Variants in USP24 observed in about 807,000 individuals in gnomAD.
USP24 encodes the protein ubiquitin carboxyl-terminal hydrolase 24.
A neutral mutation model predicts 361.6 loss-of-function variants in USP24; 97 were observed. The ratio of observed to expected loss-of-function variants is 0.27; its 90% CI spans 0.23 to 0.32. USP24 has a LOEUF of 0.32. Ranked by LOEUF, USP24 falls within the 10% of genes least tolerant of loss-of-function variation. The probability of loss-of-function intolerance (pLI) is 1.00; values close to 1 mark genes in which losing one functional copy is unlikely to be tolerated. For missense variants in USP24, 2,353 were observed against 3,165.6 expected (o/e 0.74, Z 6.16); for synonymous variants, 1,098 against 1,124.6 (o/e 0.98, Z 0.47).
At chr1:55,144,992 G>A (rs1218264469) in intron 20 of USP24, among the ~76,000 whole-genome samples, 5 of 152,040 alleles carry the variant, frequency 3.3e-5, no homozygotes, top group Admixed American at 6.6e-5. Context: ...TACCCATTAC[G>A]ATGTCTAAAA....
At chr1:55,164,722 G>A (rs1426877135) in intron 7 of USP24, among the ~76,000 whole-genome samples, 2 of 151,844 alleles carry the variant, frequency 1.3e-5, no homozygotes, top group Non-Finnish European at 2.9e-5. Context: ...TGATAATAAT[G>A]AGGGCTATGC....
chr1:55,128,712 CCTT>C (rs1646507439), intron 32 of USP24, among the ~76,000 whole-genome samples: 2 of 141,518 alleles, frequency 1.4e-5, no homozygotes, highest in East Asian at 4.2e-4. Context: ...TGCTTTAATA[CCTT>C]TTTTTTTTTT....
chr1:55,079,681 A>G, intron 59 of USP24, 22 bp from the exon 60 acceptor site: 1 of 1,518,380 alleles, frequency 6.6e-7, no homozygotes, highest in East Asian at 2.5e-5. Flanking sequence ...CAAAGAAACA[A>G]AACAGAACCT....
Position 55,103,998 on chromosome 1 carries a change from A to G in USP24, c.4903T>C (p.Leu1635=), listed in dbSNP as rs1379138956. 1 of 1,610,336 alleles carries G rather than the reference A, an allele frequency of 6.2e-7. No individual in the cohort carries two copies. The highest frequency in any genetic ancestry group is 8.5e-7 in the Non-Finnish European group (1 of 1,178,192). ...ATCACAAGGACTTCATAGGCTGCCA[A>G]TCGGCTATTCGCTGTACTACACCTA... ...HPKCSTANSR[L]AAYEVLVMLA... is the part of the protein sequence containing the mutation. The change falls in exon 42 of 68, where the codon TTG becomes CTG. Residue 1635 remains leucine (L), a synonymous_variant. Transcript: ENST00000294383.
intron 1 of USP24, 119 bp from the exon 2 acceptor site, chr1:55,178,251 G>T: frequency 1.0e-6 from 1 of 982,166 alleles, no homozygotes; most frequent in Non-Finnish European, 1.5e-6. Context: ...CCAATAGCAT[G>T]GATTCTACCT....
At chr1:55,152,742 T>C (rs1004921404) in intron 16 of USP24, among the ~76,000 whole-genome samples, 11 of 152,158 alleles carry the variant, frequency 7.2e-5, no homozygotes, top group Admixed American at 7.2e-4. Flanking sequence ...AGTTTGCAAA[T>C]ACCTTTTAAA....
At chr1:55,071,015 G>A (rs761939558) in intron 67 of USP24, 4 of 456,072 alleles carry the variant, frequency 8.8e-6, no homozygotes, top group African/African-American at 2.1e-5. Flanking sequence ...TGTGTGGAGT[G>A]ACCTTGGGCT....
At chr1:55,110,363 CTACTTTTATAT>C in intron 38 of USP24, 117 bp from the exon 39 acceptor site, 1 of 769,052 alleles carries the variant, frequency 1.3e-6, no homozygotes, top group South Asian at 2.3e-5. Flanking sequence ...GTAAGCATAA[CTACTTTTATAT>C]TAACTCAAAT....
intron 5 of USP24, among the ~76,000 whole-genome samples, chr1:55,168,240 A>AG (rs993525090): frequency 2.0e-5 from 3 of 152,128 alleles, no homozygotes; most frequent in Admixed American, 2.0e-4. Context: ...GGAAACATGC[A>AG]GGGGTGTTGG....
intron 49 of USP24, 53 bp downstream of exon 49, chr1:55,096,899 G>T (rs961365066): frequency 3.2e-6 from 5 of 1,568,108 alleles, no homozygotes; most frequent in East Asian, 2.3e-5. Flanking sequence ...GGATGATAAC[G>T]GAGAGCAGGG....
intron 5 of USP24, among the ~76,000 whole-genome samples, chr1:55,170,709 T>G (rs1053541605): frequency 2.0e-5 from 3 of 152,214 alleles, no homozygotes; most frequent in Non-Finnish European, 2.9e-5. Flanking sequence ...GTCTGACTCC[T>G]CAAGGTGGCA....
In USP24 at chr1:55,214,836, C is replaced by T; in HGVS notation, c.278G>A (p.Gly93Asp). The change falls in exon 1 of 68, where the codon GGC becomes GAC. Residue 93 changes from glycine to aspartate, a missense_variant. Transcript: ENST00000294383. ...PSRGGSTGGG[G>D]GFDPPPAYHE... The stretch of plus-strand genomic sequence containing the variant: ...GTAGGCGGGCGGGGGGTCGAAGCCG[C>T]CCCCGCCTCCGGTGCTCCCGCCGCG... The T allele has an allele frequency of 1.6e-6, 2 of 1,223,240 alleles. No homozygotes were observed. Among genetic ancestry groups the T allele is most frequent in the Non-Finnish European group, 2.1e-6 (2 of 974,010 alleles). 75.8% of individuals were successfully genotyped at this position (1,223,240 alleles called of 1,614,324 possible).
Position 55,201,729 on chromosome 1 carries a change from C to G in USP24, c.324+13061G>C, listed in dbSNP as rs141265927. On this transcript the variant is annotated intron_variant, in intron 1 of 67. Coordinates refer to ENST00000294383, the MANE Select transcript of USP24 (RefSeq NM_015306.3). Reference sequence around the variant, plus strand: ...GTTTCTATTCAAACTCAAGAAGGGACGTTTAACTAGGAGGAAGGGAAGAAA... The same window carrying G: ...GTTTCTATTCAAACTCAAGAAGGGAGGTTTAACTAGGAGGAAGGGAAGAAA... 6.4e-3 allele frequency among the ~76,000 whole-genome samples: 956 copies of G among 150,292 alleles called. 7 individuals carry two copies. Among genetic ancestry groups the G allele is most frequent in the African/African-American group, 0.022 (884 of 40,782 alleles).
intron 38 of USP24, among the ~76,000 whole-genome samples, chr1:55,113,686 T>C (rs527349207): frequency 1.3e-5 from 2 of 152,308 alleles, no homozygotes; most frequent in South Asian, 4.1e-4. Flanking sequence ...TCCACCACGA[T>C]CAAGTTGGCT....
intron 19 of USP24, 21 bp from the exon 20 acceptor site, chr1:55,146,130 C>T (rs763894010): frequency 6.4e-7 from 1 of 1,554,706 alleles, no homozygotes; most frequent in Non-Finnish European, 8.9e-7. Context: ...AGACGAATAT[C>T]ACCCTATAAC....
chr1:55,209,248 T>G (rs1251828845), intron 1 of USP24, among the ~76,000 whole-genome samples: 2 of 152,172 alleles, frequency 1.3e-5, no homozygotes, highest in Non-Finnish European at 2.9e-5. Flanking sequence ...TACTTCTTTA[T>G]CCATCCAACT....
intron 36 of USP24, among the ~76,000 whole-genome samples, chr1:55,122,418 T>C (rs1646308660): frequency 6.6e-6 from 1 of 152,234 alleles, no homozygotes; most frequent in South Asian, 2.1e-4. Flanking sequence ...GTACACAGTG[T>C]CCACCCCCTT....
At chr1:55,155,564 C>A (rs761811611) in intron 12 of USP24, among the ~76,000 whole-genome samples, 1 of 152,152 alleles carries the variant, frequency 6.6e-6, no homozygotes, top group African/African-American at 2.4e-5. Flanking sequence ...ATTCCACCAA[C>A]GTCAAGACAT....
chr1:55,144,242 C>G (rs184033229), intron 20 of USP24, 39 bp from the exon 21 acceptor site: 2 of 1,337,682 alleles, frequency 1.5e-6, no homozygotes, highest in Non-Finnish European at 2.1e-6. Flanking sequence ...ATGTACTCTA[C>G]GTAACACAGA....
Sources: allele counts gnomAD v4.1 joint callset (sites outside exome capture counted in the v4.1 genomes callset), GRCh38; gene constraint gnomAD v4.1.1; transcripts MANE v1.5; gene names NCBI Gene and HGNC (gene_info 2026-07-23, HGNC 2026-07-21).